The following GXYLT2 variants were observed in gnomAD, a reference collection of about 807,000 sequenced individuals.
GXYLT2 encodes the protein glucoside xylosyltransferase 2.
In GXYLT2, 53 loss-of-function variants were observed where a neutral mutation model predicts 45.8. That is an observed-to-expected ratio of 1.16 (90% CI 0.93 to 1.46). The LOEUF (loss-of-function observed/expected upper bound fraction) is 1.46. GXYLT2 is among the 40% of genes most tolerant of loss of function. The pLI is 0.00. For synonymous variants in GXYLT2, 219 were observed against 214.2 expected (o/e 1.02, Z -0.19); for missense variants, 551 against 544.4 (o/e 1.01, Z -0.12).
At chr3:72,913,280 C>G in intron 2 of GXYLT2, among the ~76,000 whole-genome samples, 1 of 150,952 alleles carries the variant, frequency 6.6e-6, no homozygotes, top group Non-Finnish European at 1.5e-5. Flanking sequence ...CCTCGTGATC[C>G]GCCCGCCTCG....
intron 3 of GXYLT2, among the ~76,000 whole-genome samples, chr3:72,941,477 T>C (rs1216018682): frequency 6.6e-6 from 1 of 152,206 alleles, no homozygotes; most frequent in Non-Finnish European, 1.5e-5. Flanking sequence ...CTTTCCCAGA[T>C]GCTGTGCACA....
At chr3:72,972,780 A>T (rs1474257038) in intron 6 of GXYLT2, among the ~76,000 whole-genome samples, 2 of 141,132 alleles carry the variant, frequency 1.4e-5, no homozygotes, top group Admixed American at 1.4e-4. Flanking sequence ...AAAAAAAAAA[A>T]TTAGCCTGGT....
chr3:72,938,452 C>CT (rs1456819759), intron 3 of GXYLT2, among the ~76,000 whole-genome samples: 1 of 152,214 alleles, frequency 6.6e-6, no homozygotes, highest in Admixed American at 6.5e-5. Context: ...GAAAATCAGT[C>CT]TAATTTGAGT....
intron 3 of GXYLT2, among the ~76,000 whole-genome samples, chr3:72,938,516 C>T (rs1259471081): frequency 1.3e-5 from 2 of 152,222 alleles, no homozygotes; most frequent in Admixed American, 1.3e-4. Flanking sequence ...AACACATTCT[C>T]TGGGGAGGCA....
intron 1 of GXYLT2, among the ~76,000 whole-genome samples, chr3:72,899,494 G>T (rs550513673): frequency 6.6e-6 from 1 of 152,174 alleles, no homozygotes; most frequent in African/African-American, 2.4e-5. Flanking sequence ...CATTAAAAGT[G>T]ATTTAACTGT....
chr3:72,923,267 T>C (rs945816706), intron 3 of GXYLT2, among the ~76,000 whole-genome samples: 37 of 151,306 alleles, frequency 2.4e-4, no homozygotes, highest in African/African-American at 8.5e-4. Context: ...AAAAAAAAAT[T>C]ACCTGGGCAT....
intron 2 of GXYLT2, among the ~76,000 whole-genome samples, chr3:72,909,062 CTTT>C (rs71126804): frequency 0.013 from 1,209 of 91,072 alleles, 13 homozygotes; most frequent in African/African-American, 0.049. Context: ...TTCTTCCTTT[CTTT>C]TTTTTTTTTT....
At chr3:72,912,803 C>T (rs1250707425) in intron 2 of GXYLT2, among the ~76,000 whole-genome samples, 1 of 152,170 alleles carries the variant, frequency 6.6e-6, no homozygotes, top group Non-Finnish European at 1.5e-5. Context: ...CTGTCCCCTC[C>T]TCTGCCTTGT....
intron 3 of GXYLT2, among the ~76,000 whole-genome samples, chr3:72,948,274 C>A (rs1710449491): frequency 6.6e-6 from 1 of 152,138 alleles, no homozygotes; most frequent in Non-Finnish European, 1.5e-5. Context: ...ACAGCTATAG[C>A]ATTTATAGAC....
intron 2 of GXYLT2, among the ~76,000 whole-genome samples, chr3:72,915,119 C>G (rs969507790): frequency 1.3e-5 from 2 of 151,996 alleles, no homozygotes; most frequent in Non-Finnish European, 2.9e-5. Context: ...CCACTGCACT[C>G]CAGCCTGGGC....
At chr3:72,941,513 G>C (rs1012854578) in intron 3 of GXYLT2, among the ~76,000 whole-genome samples, 1 of 152,124 alleles carries the variant, frequency 6.6e-6, no homozygotes. Flanking sequence ...CTGTTGCCTG[G>C]AGACAATAAC....
intron 1 of GXYLT2, among the ~76,000 whole-genome samples, chr3:72,906,507 ATTAT>A (rs1251540873): frequency 6.6e-6 from 1 of 152,164 alleles, no homozygotes; most frequent in Non-Finnish European, 1.5e-5. Context: ...TTCTATATAA[ATTAT>A]TTAGTTACCA....
intron 5 of GXYLT2, 144 bp from the exon 6 acceptor site, chr3:72,967,402 AT>A: frequency 1.8e-6 from 1 of 564,500 alleles, no homozygotes; most frequent in Non-Finnish European, 3.0e-6. Flanking sequence ...ATGGGGCAAA[AT>A]TTGATCTATG....
intron 3 of GXYLT2, among the ~76,000 whole-genome samples, chr3:72,931,250 A>G (rs1710028395): frequency 6.6e-6 from 1 of 150,984 alleles, no homozygotes; most frequent in Admixed American, 6.6e-5. Flanking sequence ...TTTTTTTGAG[A>G]CGGAGTCTTG....
chr3:72,952,981 G>T (rs1282587043), intron 3 of GXYLT2, among the ~76,000 whole-genome samples: 1 of 152,064 alleles, frequency 6.6e-6, no homozygotes, highest in Non-Finnish European at 1.5e-5. Flanking sequence ...CAAAGTTTGA[G>T]GAACAATGGC....
chr3:72,921,179 T>TAA lies in GXYLT2; in HGVS notation c.469-1013_469-1012dup, dbSNP rs398062462. ...ATTCATTCAGACAGTAGTGAAGAAA[T>TAA]AAAAAAAAAAAAATTTATAGTTTTT... On this transcript the variant is annotated intron_variant, in intron 2 of 6. Transcript: ENST00000389617. Among the ~76,000 whole-genome samples, 665 of 144,634 alleles carry TAA rather than the reference T, an allele frequency of 4.6e-3. 2 individuals carry two copies. The highest frequency in any genetic ancestry group is 0.016 in the African/African-American group (628 of 40,218). The allele number at this position is 144,634 out of a possible 152,430, so 94.9% of individuals were successfully genotyped here.
At chr3:72,972,438 C>G (rs1036541185) in intron 6 of GXYLT2, among the ~76,000 whole-genome samples, 1 of 151,680 alleles carries the variant, frequency 6.6e-6, no homozygotes, top group Non-Finnish European at 1.5e-5. Flanking sequence ...GTCATGAGTT[C>G]GAGACCAGCC....
At chr3:72,957,162 A>G (rs1392184319) in intron 4 of GXYLT2, 67 bp from the exon 5 acceptor site, 4 of 1,507,552 alleles carry the variant, frequency 2.7e-6, no homozygotes, top group Non-Finnish European at 3.6e-6. Flanking sequence ...GTCCCTTTAC[A>G]TTGTTTCTCA....
intron 1 of GXYLT2, chr3:72,908,021 G>A: frequency 5.3e-6 from 1 of 187,348 alleles, no homozygotes; most frequent in Non-Finnish European, 1.1e-5. Flanking sequence ...GCGAGTGGGA[G>A]CTCCACAGCC....
Sources: gnomAD v4.1 joint callset for allele counts (sites outside exome capture counted in the v4.1 genomes callset) on GRCh38, gnomAD v4.1.1 for gene constraint, MANE v1.5 for transcripts, NCBI Gene and HGNC (gene_info 2026-07-23, HGNC 2026-07-21) for gene names.